The following PHF11 variants were observed in gnomAD, a reference collection of about 807,000 sequenced individuals.
The protein encoded by PHF11 is PHD finger protein 11.
In PHF11, 38 loss-of-function variants were observed where a neutral mutation model predicts 40.5. The ratio of observed to expected loss-of-function variants is 0.94; its 90% CI spans 0.72 to 1.23. PHF11 has a LOEUF of 1.23. Among genes scored for constraint, PHF11 ranks in the 50% most tolerant of loss-of-function variants. The pLI is 0.00. For missense variants in PHF11, 369 were observed against 392.4 expected (o/e 0.94, Z 0.50); for synonymous variants, 127 against 138.2 (o/e 0.92, Z 0.57).
chr13:49,508,155 ATAT>A (rs1171008450), intron 2 of PHF11, among the ~76,000 whole-genome samples: 2 of 147,874 alleles, frequency 1.4e-5, no homozygotes, highest in Non-Finnish European at 3.0e-5. Context: ...ATGCATTCAT[ATAT>A]TATATGTATT....
In PHF11 at chr13:49,526,411, T is replaced by C. The variant is rs1211946518; in HGVS notation, c.794T>C (p.Leu265Pro). Residue 265 changes from leucine to proline, a missense_variant, in exon 9 of 10, where the codon CTT (leucine) becomes CCT (proline). Coordinates refer to ENST00000378319, the MANE Select transcript of PHF11 (RefSeq NM_001040443.3). ...GACTATGAAGAAATCGGGAGTGCAC[T>C]TTTTGACTGTAGATTGTTCGAAGAC... ...ESDYEEIGSA[L>P]FDCRLFEDTF... 6.2e-7 allele frequency: 1 copy of C among 1,610,370 alleles called. No homozygotes were observed. Among genetic ancestry groups the C allele is most frequent in the Admixed American group, 1.7e-5 (1 of 60,004 alleles).
intron 3 of PHF11, among the ~76,000 whole-genome samples, chr13:49,515,101 GT>G (rs775760254): frequency 2.6e-5 from 4 of 152,164 alleles, no homozygotes; most frequent in Non-Finnish European, 5.9e-5. Flanking sequence ...GTACCTGAGG[GT>G]TTCTGCGGAC....
At chr13:49,512,136 A>C (rs1020580370) in intron 2 of PHF11, among the ~76,000 whole-genome samples, 1 of 152,238 alleles carries the variant, frequency 6.6e-6, no homozygotes, top group Non-Finnish European at 1.5e-5. Context: ...CTAAGGGTTA[A>C]TGATATTGAG....
chr13:49,497,138 T>C lies in PHF11; in HGVS notation c.94+1043T>C, dbSNP rs1002138503. On this transcript the variant is annotated intron_variant, in intron 1 of 9. Coordinates refer to ENST00000378319, the MANE Select transcript of PHF11 (RefSeq NM_001040443.3). ...CACAAAGGCACCAAACCACAAAACG[T>C]CACACGTAAACATCATACGTGGCAA... 39 of 1,289,388 alleles carry C rather than the reference T, an allele frequency of 3.0e-5. 1 individual carries two copies. In the Admixed American group the frequency reaches 7.8e-4, roughly 26 times the overall value. 79.9% of individuals were successfully genotyped at this position (1,289,388 alleles called of 1,614,324 possible).
intron 1 of PHF11, among the ~76,000 whole-genome samples, chr13:49,502,549 A>G (rs1195355783): frequency 6.6e-6 from 1 of 152,226 alleles, no homozygotes; most frequent in Non-Finnish European, 1.5e-5. Context: ...ATAATAATTC[A>G]ACAGAAAAAT....
At position 49,518,014 on chromosome 13, in the gene PHF11, GT is replaced by G; in HGVS notation, c.325-3del. On this transcript the variant is annotated splice_polypyrimidine_tract_variant and splice_region_variant and intron_variant, in intron 3 of 9. Transcript: ENST00000378319. ...CTTACTCAGTAAAATCTATTCTTCT[GT>G]AGAAATGCAAATTTTGTCATAAAAG... 6.7e-7 allele frequency: 1 copy of G among 1,500,432 alleles called. No homozygotes were observed. The highest frequency in any genetic ancestry group is 9.2e-7 in the Non-Finnish European group (1 of 1,090,418). The allele number at this position is 1,500,432 out of a possible 1,614,324, so 92.9% of individuals were successfully genotyped here.
chr13:49,523,969 A>G (rs1253859436), intron 7 of PHF11, 116 bp from the exon 8 acceptor site: 2 of 676,330 alleles, frequency 3.0e-6, no homozygotes, highest in Non-Finnish European at 4.8e-6. Flanking sequence ...GTGCTGTATT[A>G]TTTTACTAAG....
chr13:49,519,086 C>T (rs181159863), intron 4 of PHF11, among the ~76,000 whole-genome samples: 4 of 152,214 alleles, frequency 2.6e-5, no homozygotes, highest in Non-Finnish European at 4.4e-5. Flanking sequence ...CCGCCCGCCT[C>T]GGCCTCCCAA....
intron 1 of PHF11, chr13:49,496,308 A>C: frequency 1.2e-6 from 1 of 830,614 alleles, no homozygotes; most frequent in Non-Finnish European, 1.6e-6. Flanking sequence ...GGCGCGGCCC[A>C]GGCCAGTTCC....
At chr13:49,520,483 A>C (rs962063915) in intron 4 of PHF11, among the ~76,000 whole-genome samples, 1 of 152,198 alleles carries the variant, frequency 6.6e-6, no homozygotes, top group East Asian at 1.9e-4. Flanking sequence ...TTTTTCCTTA[A>C]ATTAATGCTT....
chr13:49,510,736 G>A (rs1490383102), intron 2 of PHF11, among the ~76,000 whole-genome samples: 8 of 152,240 alleles, frequency 5.3e-5, no homozygotes, highest in Non-Finnish European at 1.0e-4. Flanking sequence ...CTCCCAAAGT[G>A]TTGGGATTAG....
chr13:49,504,234 C>T (rs2139035763), intron 1 of PHF11, among the ~76,000 whole-genome samples: 1 of 151,956 alleles, frequency 6.6e-6, no homozygotes, highest in African/African-American at 2.4e-5. Flanking sequence ...TGATCTTGAG[C>T]CTAGGAGTTT....
chr13:49,511,664 G>C (rs1036689736), intron 2 of PHF11, among the ~76,000 whole-genome samples: 2 of 152,080 alleles, frequency 1.3e-5, no homozygotes, highest in African/African-American at 4.8e-5. Flanking sequence ...ATAGAACTTG[G>C]GGTTAGGCAT....
At chr13:49,503,651 A>G (rs754122932) in intron 1 of PHF11, among the ~76,000 whole-genome samples, 3 of 152,208 alleles carry the variant, frequency 2.0e-5, no homozygotes, top group Non-Finnish European at 4.4e-5. Context: ...TAAATGTTGA[A>G]AGGATGTAAG....
chr13:49,513,827 G>A (rs975706352), intron 3 of PHF11, among the ~76,000 whole-genome samples: 6 of 152,052 alleles, frequency 3.9e-5, no homozygotes, highest in African/African-American at 1.2e-4. Flanking sequence ...GTCATCAGGG[G>A]CCCAGGTTCT....
chr13:49,524,144 T>G lies in PHF11; in HGVS notation c.697T>G (p.Leu233Val). 6.2e-7 allele frequency: 1 copy of G among 1,606,100 alleles called. No homozygotes were observed. The highest frequency in any genetic ancestry group is 8.5e-7 in the Non-Finnish European group (1 of 1,173,616). The change falls in exon 8 of 10, where the codon TTA (leucine) becomes GTA (valine). Residue 233 changes from leucine to valine, a missense_variant. Leu to Val is a conservative substitution (Grantham distance 32, BLOSUM62 1). Coordinates refer to ENST00000378319, the MANE Select transcript of PHF11 (RefSeq NM_001040443.3). The stretch of plus-strand genomic sequence containing the variant: ...CAAGGAAGCAGGACTTCTTAATTAC[T>G]TACTTGAAGAAATATTAGACAAAGT... ...KCKEAGLLNY[L>V]LEEILDKVHS...
In PHF11 at chr13:49,503,054, A is replaced by C. The variant is rs1958931783; in HGVS notation, c.95-3581A>C. Among the ~76,000 whole-genome samples the C allele has an allele frequency of 2.6e-5, 4 of 152,118 alleles. No homozygotes were observed. In the South Asian group the frequency reaches 8.3e-4, roughly 32 times the overall value. ...GACCTTCTTAAACAACTTTGTCATC[A>C]TGTGCTTCTCCTGCTCAGACATCCT... On this transcript the variant is annotated intron_variant, in intron 1 of 9. Transcript: ENST00000378319.
At chr13:49,498,614 A>C (rs968339749) in intron 1 of PHF11, among the ~76,000 whole-genome samples, 1 of 152,084 alleles carries the variant, frequency 6.6e-6, no homozygotes, top group African/African-American at 2.4e-5. Flanking sequence ...TGACAGTAGC[A>C]TAGTGCATTT....
At chr13:49,507,940 A>T (rs773612556) in intron 2 of PHF11, among the ~76,000 whole-genome samples, 4 of 152,010 alleles carry the variant, frequency 2.6e-5, no homozygotes, top group Non-Finnish European at 4.4e-5. Context: ...CTTTATTACT[A>T]GCCTTGGCTT....
Sources: gnomAD v4.1 joint callset for allele counts (sites outside exome capture counted in the v4.1 genomes callset) on GRCh38, gnomAD v4.1.1 for gene constraint, MANE v1.5 for transcripts, NCBI Gene and HGNC (gene_info 2026-07-23, HGNC 2026-07-21) for gene names.